The following P4HA1 variants were observed in gnomAD, a reference collection of about 807,000 sequenced individuals.
P4HA1 encodes prolyl 4-hydroxylase subunit alpha 1.
A neutral mutation model predicts 72.8 loss-of-function variants in P4HA1; 24 were observed. The observed-to-expected ratio is 0.33, with a 90% confidence interval of 0.24 to 0.46. P4HA1 has a LOEUF of 0.46. Among genes scored for constraint, P4HA1 ranks in the 20% least tolerant of loss-of-function variants. The probability of loss-of-function intolerance (pLI) is 1.00; values close to 1 mark genes in which losing one functional copy is unlikely to be tolerated. For synonymous variants in P4HA1, 201 were observed against 218.8 expected (o/e 0.92, Z 0.72); for missense variants, 446 against 640.6 (o/e 0.70, Z 3.28).
intron 10 of P4HA1, among the ~76,000 whole-genome samples, chr10:73,027,575 T>G (rs1840308639): frequency 8.3e-6 from 1 of 121,084 alleles, no homozygotes; most frequent in Non-Finnish European, 1.6e-5. Flanking sequence ...TGTGCACATG[T>G]ACCCTAGAAC....
At position 73,008,185 on chromosome 10, in the gene P4HA1, A is replaced by C; in HGVS notation, c.*37T>G. The C allele has an allele frequency of 7.8e-7, 1 of 1,286,298 alleles. No homozygotes were observed. Among genetic ancestry groups the C allele is most frequent in the African/African-American group, 1.5e-5 (1 of 67,964 alleles). The allele number at this position is 1,286,298 out of a possible 1,614,324, so 79.7% of individuals were successfully genotyped here. Reference sequence around the variant, plus strand: ...AGGAAATGTGTATATCAGACACATAAGAGTACAACAATAGGAGAAAAAGGG... The same window carrying C: ...AGGAAATGTGTATATCAGACACATACGAGTACAACAATAGGAGAAAAAGGG... On this transcript the variant is annotated 3_prime_UTR_variant, in exon 15 of 15. Coordinates refer to ENST00000394890, the MANE Select transcript of P4HA1 (RefSeq NM_001017962.3).
chr10:73,021,670 C>G lies in P4HA1; in HGVS notation c.1249-4771G>C, dbSNP rs115090505. Among the ~76,000 whole-genome samples, 988 of 152,282 alleles carry G rather than the reference C, an allele frequency of 6.5e-3. 18 individuals are homozygous for G. Among genetic ancestry groups the G allele is most frequent in the African/African-American group, 0.022 (918 of 41,560 alleles). On this transcript the variant is annotated intron_variant, in intron 10 of 14. Transcript: ENST00000394890. ...GTGGGTGCAGACCATAGAGAATGAG[C>G]CAAAGCAGGGCGGGGCATCGCCTCA...
chr10:73,042,543 T>C (rs1840761768), intron 9 of P4HA1, among the ~76,000 whole-genome samples: 1 of 152,244 alleles, frequency 6.6e-6, no homozygotes, highest in African/African-American at 2.4e-5. Flanking sequence ...ATGATTACTT[T>C]AAATGTATCC....
Position 73,011,044 on chromosome 10 carries a change from G to C in P4HA1, c.1369-7C>G, listed in dbSNP as rs1402048038. 6.2e-7 allele frequency: 1 copy of C among 1,608,876 alleles called. No individual in the cohort carries two copies. Among genetic ancestry groups the C allele is most frequent in the South Asian group, 1.1e-5 (1 of 90,562 alleles). ...CTGCAGACACATCACTCATCTATAA[G>C]AAACAAGAGGGTGTTATCAAAAGTG... On this transcript the variant is annotated splice_polypyrimidine_tract_variant and splice_region_variant and intron_variant, in intron 12 of 14. Coordinates refer to ENST00000394890, the MANE Select transcript of P4HA1 (RefSeq NM_001017962.3).
chr10:73,022,635 A>G (rs7911861), intron 10 of P4HA1, among the ~76,000 whole-genome samples: 23,897 of 152,166 alleles, frequency 0.16, 3,180 homozygotes, highest in African/African-American at 0.34. Context: ...AAAGCTGGAC[A>G]GAGAATGACT....
At chr10:73,023,611 ACAT>A (rs1840189383) in intron 10 of P4HA1, among the ~76,000 whole-genome samples, 1 of 152,192 alleles carries the variant, frequency 6.6e-6, no homozygotes, top group African/African-American at 2.4e-5. Flanking sequence ...TAACCAGCGA[ACAT>A]CATAATGACA....
intron 5 of P4HA1, among the ~76,000 whole-genome samples, chr10:73,062,132 CAGAA>C (rs539294117): frequency 1.5e-3 from 235 of 152,172 alleles, no homozygotes; most frequent in Non-Finnish European, 2.9e-3. Context: ...ACAAAAATGA[CAGAA>C]AGAAAGGGTG....
At chr10:73,047,622 A>C (rs1380628923) in intron 7 of P4HA1, among the ~76,000 whole-genome samples, 1 of 151,974 alleles carries the variant, frequency 6.6e-6, no homozygotes, top group Non-Finnish European at 1.5e-5. Flanking sequence ...AAAAGAAAAA[A>C]TAAGTTATTA....
Position 73,074,935 on chromosome 10 carries a change from AT to A in P4HA1, c.-32-21del, listed in dbSNP as rs1841662374. On this transcript the variant is annotated intron_variant, in intron 1 of 14. Transcript: ENST00000394890. ...ACACACCTACAAAAGAAAGAGAGAA[AT>A]GCAGCCATTACTTAAAAAATACAAA... 2.5e-6 allele frequency: 2 copies of A among 789,686 alleles called. No individual in the cohort carries two copies. The highest frequency in any genetic ancestry group is 4.3e-6 in the Non-Finnish European group (2 of 463,546). 48.9% of individuals were successfully genotyped at this position (789,686 alleles called of 1,614,324 possible). A position where few individuals can be genotyped will look rare whatever the true frequency, so the allele number is the denominator to read the frequency against.
chr10:73,045,196 C>G (rs1840826680), intron 8 of P4HA1, 145 bp from the exon 9 acceptor site: 1 of 584,330 alleles, frequency 1.7e-6, no homozygotes, highest in African/African-American at 1.9e-5. Flanking sequence ...TTGTGCTGAG[C>G]CTTGAAAGCC....
At chr10:73,091,030 C>T (rs1349111917) in intron 1 of P4HA1, among the ~76,000 whole-genome samples, 6 of 131,068 alleles carry the variant, frequency 4.6e-5, no homozygotes, top group Admixed American at 1.8e-4. Flanking sequence ...CACTGCACTC[C>T]AGCCTGGGTG....
chr10:73,049,156 C>CCA (rs1333927609), intron 7 of P4HA1, among the ~76,000 whole-genome samples: 2 of 151,820 alleles, frequency 1.3e-5, no homozygotes, highest in Middle Eastern at 6.8e-3. Context: ...AACAGTGTCA[C>CCA]CATCTTTGTA....
intron 1 of P4HA1, among the ~76,000 whole-genome samples, chr10:73,089,869 T>C (rs1426695962): frequency 6.6e-6 from 1 of 152,190 alleles, no homozygotes; most frequent in African/African-American, 2.4e-5. Flanking sequence ...ATAAGGATAC[T>C]GCCGATGCCC....
chr10:73,084,945 G>A (rs1338519255), intron 1 of P4HA1, among the ~76,000 whole-genome samples: 1 of 152,080 alleles, frequency 6.6e-6, no homozygotes, highest in African/African-American at 2.4e-5. Context: ...TTCGAGACCA[G>A]CCTTGGCAAC....
At chr10:73,038,627 T>TAATAG (rs1564625307) in intron 9 of P4HA1, among the ~76,000 whole-genome samples, 1 of 122,538 alleles carries the variant, frequency 8.2e-6, no homozygotes, top group African/African-American at 3.8e-5. Context: ...ATTTGCTTTT[T>TAATAG]TTTTTTTTTT....
intron 1 of P4HA1, among the ~76,000 whole-genome samples, chr10:73,092,346 CTTT>C (rs1157972087): frequency 8.0e-5 from 9 of 112,352 alleles, no homozygotes; most frequent in South Asian, 2.8e-4. Context: ...TTTTTCTTTT[CTTT>C]TTTTTTTTTT....
intron 5 of P4HA1, among the ~76,000 whole-genome samples, chr10:73,062,488 C>T (rs1390665552): frequency 4.6e-5 from 7 of 152,100 alleles, no homozygotes. Flanking sequence ...CAATATTATA[C>T]TAGTATAATA....
At chr10:73,022,048 A>C (rs1201350834) in intron 10 of P4HA1, among the ~76,000 whole-genome samples, 1 of 152,178 alleles carries the variant, frequency 6.6e-6, no homozygotes, top group Non-Finnish European at 1.5e-5. Context: ...TGTAGACTCC[A>C]CCTCTGTGGG....
chr10:73,056,642 AAATT>A (rs1185124157), intron 5 of P4HA1, among the ~76,000 whole-genome samples: 13 of 152,100 alleles, frequency 8.5e-5, no homozygotes, highest in African/African-American at 3.1e-4. Flanking sequence ...AAAAATAAAT[AAATT>A]AATAAATAAA....
Sources: gnomAD v4.1 joint callset for allele counts (sites outside exome capture counted in the v4.1 genomes callset) on GRCh38, gnomAD v4.1.1 for gene constraint, MANE v1.5 for transcripts, NCBI Gene and HGNC (gene_info 2026-07-23, HGNC 2026-07-21) for gene names.